KLC3: variants seen among roughly 807,000 people sequenced by gnomAD.
The protein encoded by KLC3 is kinesin light chain 3.
A neutral mutation model predicts 62.9 loss-of-function variants in KLC3; 72 were observed. The ratio of observed to expected loss-of-function variants is 1.15; its 90% CI spans 0.95 to 1.39. The LOEUF is 1.39. Among genes scored for constraint, KLC3 ranks in the 40% most tolerant of loss-of-function variants. The pLI is 0.00. For missense variants in KLC3, 848 were observed against 691.6 expected (o/e 1.23, Z -2.54); for synonymous variants, 377 against 300.5 (o/e 1.25, Z -2.63).
chr19:45,350,928 T>C, intron 11 of KLC3, 26 bp from the exon 12 acceptor site: 1 of 1,612,002 alleles, frequency 6.2e-7, no homozygotes, highest in Non-Finnish European at 8.5e-7. Flanking sequence ...GATTCACTCA[T>C]TTCCTCCCTG....
At chr19:45,350,184 G>C in intron 8 of KLC3, 157 bp from the exon 9 acceptor site, 1 of 623,028 alleles carries the variant, frequency 1.6e-6, no homozygotes, top group East Asian at 2.7e-5. Flanking sequence ...CACTTTGGGA[G>C]GCCAAGGCAG....
In KLC3 at chr19:45,351,299, A is replaced by C. The variant is rs746886024; in HGVS notation, c.1457A>C (p.His486Pro). The change falls in exon 13 of 13, where the codon CAC (histidine) becomes CCC (proline). Residue 486 changes from histidine (H) to proline (P), a missense_variant. By Grantham distance (77) the His-to-Pro change is moderately conservative. Coordinates refer to ENST00000391946, the MANE Select transcript of KLC3 (RefSeq NM_177417.3). ...GCCTGTCTCCAGTTTCCCAGCTGGC[A>C]CCTGGACAAGGCCCCTCGGACCCTC... ...RAPGTQFPSWHLDKAPRTLSA... is the reference protein window; with the variant it reads ...RAPGTQFPSWPLDKAPRTLSA... The C allele has an allele frequency of 1.9e-6, 3 of 1,612,594 alleles. No homozygotes were observed. Among genetic ancestry groups the C allele is most frequent in the Non-Finnish European group, 2.5e-6 (3 of 1,179,958 alleles).
At chr19:45,350,179 T>C (rs1971657556) in intron 8 of KLC3, 162 bp from the exon 9 acceptor site, 2 of 616,078 alleles carry the variant, frequency 3.2e-6, no homozygotes. Context: ...CCCAACACTT[T>C]GGGAGGCCAA....
In KLC3 at chr19:45,348,721, T is replaced by G. The variant is rs1004114905; in HGVS notation, c.855T>G (p.Pro285=). The part of the protein sequence containing the change: ...ALQIREQTLG[P]EHPAVAATLN... ...AGATCCGGGAGCAGACGCTGGGCCC[T>G]GAGCACCCCGCGGTGAGTGGGGCCC... is the stretch of plus-strand genomic sequence containing the variant. The change falls in exon 6 of 13, where the codon CCT becomes CCG. Residue 285 remains proline, a synonymous_variant. Coordinates refer to ENST00000391946, the MANE Select transcript of KLC3 (RefSeq NM_177417.3). 1 of 1,590,814 alleles carries G rather than the reference T, an allele frequency of 6.3e-7. No homozygotes were observed.
rs762542620 is a variant in KLC3, at chr19:45,350,494, T to TC, written c.1235-15dup. ...GCTTCTCTATGTCCCCATCTCAGTG[T>TC]CCCCCATCTTTCCCCCTAGGTGCCC... On this transcript the variant is annotated intron_variant, in intron 9 of 12. Transcript: ENST00000391946. 4 of 1,613,154 alleles carry TC rather than the reference T, an allele frequency of 2.5e-6. No homozygotes were observed. The highest frequency in any genetic ancestry group is 2.5e-6 in the Non-Finnish European group (3 of 1,179,638).
At chr19:45,346,477 G>A (rs527531732) in intron 2 of KLC3, 67 bp from the exon 3 acceptor site, 81 of 1,362,130 alleles carry the variant, frequency 5.9e-5, no homozygotes, top group Non-Finnish European at 7.8e-5. Flanking sequence ...CTCGAGGCCT[G>A]GGCTGGGTCA....
At position 45,350,372 on chromosome 19, in the gene KLC3, A is replaced by C; in HGVS notation, c.1175A>C (p.Gln392Pro). ...ASAYLKQNKYQQAEELYKEIL... is the reference protein window; with the variant it reads ...ASAYLKQNKYPQAEELYKEIL... ...GCCTACCTGAAACAGAACAAGTATCAACAAGCGGAAGAGCTGTACAAAGAA... is the reference window on the plus strand; with the variant it reads ...GCCTACCTGAAACAGAACAAGTATCCACAAGCGGAAGAGCTGTACAAAGAA... The change falls in exon 9 of 13, where the codon CAA (glutamine) becomes CCA (proline). Residue 392 changes from glutamine to proline, a missense_variant. Transcript: ENST00000391946. 1 of 1,613,772 alleles carries C rather than the reference A, an allele frequency of 6.2e-7. No homozygotes were observed. The highest frequency in any genetic ancestry group is 8.5e-7 in the Non-Finnish European group (1 of 1,179,942).
At chr19:45,349,702 G>C in intron 8 of KLC3, 100 bp downstream of exon 8, 1 of 813,446 alleles carries the variant, frequency 1.2e-6, no homozygotes, top group Non-Finnish European at 1.8e-6. Flanking sequence ...AGGGTGGGGG[G>C]GGGCCCCCCA....
chr19:45,344,548 CGTGT>C (rs1181055258), intron 1 of KLC3, among the ~76,000 whole-genome samples: 12 of 150,708 alleles, frequency 8.0e-5, no homozygotes, highest in Admixed American at 2.6e-4. Context: ...AGGGAGAGTG[CGTGT>C]GTGTGTCAAA....
At chr19:45,346,438 G>A (rs1156893407) in intron 2 of KLC3, 106 bp from the exon 3 acceptor site, 7 of 933,534 alleles carry the variant, frequency 7.5e-6, no homozygotes, top group East Asian at 2.7e-5. Flanking sequence ...TGGGGGTGTC[G>A]TGCATAGTAG....
chr19:45,351,070 A>G, intron 12 of KLC3, 53 bp downstream of exon 12: 1 of 1,613,692 alleles, frequency 6.2e-7, no homozygotes, highest in East Asian at 2.2e-5. Flanking sequence ...GTAGGTGCAG[A>G]GATGAGGCAA....
At chr19:45,350,310 G>A (rs202228508) in intron 8 of KLC3, 31 bp from the exon 9 acceptor site, 220 of 1,587,384 alleles carry the variant, frequency 1.4e-4, no homozygotes, top group Middle Eastern at 3.4e-4. Flanking sequence ...ACTGGGGTCC[G>A]AAAAGTTCCC....
In KLC3 at chr19:45,350,681, C is replaced by CT; in HGVS notation, c.1314dup (p.Ile439TyrfsTer6). ...AGCTCACTCTCCAAGATCCGTGAGTCTATCAGGCGAGGAAGTGAGAAGCTG... is the reference window on the plus strand; with the variant it reads ...AGCTCACTCTCCAAGATCCGTGAGTCTTATCAGGCGAGGAAGTGAGAAGCTG... On this transcript the variant is annotated frameshift_variant, in exon 11 of 13. Transcript: ENST00000391946. LOFTEE classifies it high-confidence loss of function. The CT allele has an allele frequency of 6.2e-7, 1 of 1,613,850 alleles. No homozygotes were observed. The highest frequency in any genetic ancestry group is 8.5e-7 in the Non-Finnish European group (1 of 1,179,926).
chr19:45,346,800 G>T (rs1260138165), intron 3 of KLC3, 26 bp downstream of exon 3: 2 of 1,514,550 alleles, frequency 1.3e-6, no homozygotes, highest in Admixed American at 4.0e-5. Context: ...CGAGGCGGGG[G>T]GTGCTGGGCC....
intron 1 of KLC3, among the ~76,000 whole-genome samples, chr19:45,343,600 G>A (rs530225385): frequency 1.3e-5 from 2 of 152,310 alleles, no homozygotes; most frequent in South Asian, 4.1e-4. Context: ...CTCCCAAAGT[G>A]CTGGGATTAC....
Position 45,341,778 on chromosome 19 carries a change from T to TGTGC in KLC3, c.-9+935_-9+936insCGTG, listed in dbSNP as rs1186369390. 3.2e-3 allele frequency among the ~76,000 whole-genome samples: 38 copies of TGTGC among 11,890 alleles called. 1 individual carries two copies. The East Asian group carries it at 0.31, about 97-fold the overall frequency. 7.8% of individuals were successfully genotyped at this position (11,890 alleles called of 152,430 possible). On this transcript the variant is annotated intron_variant, in intron 1 of 12. Transcript: ENST00000391946. ...GGAGGTGTGTGAAGCCGTGTGTGCG[T>TGTGC]GTGTGTGTGTGTGTGTGTGTGTGTA...
rs1971607839 is a variant in KLC3, at chr19:45,349,557, G to A, written c.1098G>A (p.Leu366=). ...GGGCCCTGAGCATCTATGAGGCACT[G>A]GGCGGGCCCCATGACCCCAACGTGG... is the stretch of plus-strand genomic sequence containing the variant. ...YARALSIYEA[L]GGPHDPNVAK... is the part of the protein sequence containing the mutation. Residue 366 remains leucine (L), a synonymous_variant, in exon 8 of 13, where the codon CTG becomes CTA. Transcript: ENST00000391946. The A allele has an allele frequency of 1.9e-6, 3 of 1,613,846 alleles. No homozygotes were observed. Among genetic ancestry groups the A allele is most frequent in the Non-Finnish European group, 1.7e-6 (2 of 1,179,852 alleles).
At position 45,348,079 on chromosome 19, in the gene KLC3, C is replaced by G; in HGVS notation, c.698C>G (p.Ala233Gly). The G allele has an allele frequency of 6.2e-7, 1 of 1,602,372 alleles. No homozygotes were observed. The highest frequency in any genetic ancestry group is 8.5e-7 in the Non-Finnish European group (1 of 1,174,870). Residue 233 changes from alanine to glycine, a missense_variant, in exon 5 of 13, where the codon GCC (alanine) becomes GGC (glycine). Physicochemically the swap from Ala to Gly is moderately conservative, Grantham distance 60. Transcript: ENST00000391946. Reference sequence around the variant, plus strand: ...GTGGCGGTGCCTCTGTGCCGCCAGGCCTTGGAGGACCTGGAGCGCAGCTCG... The same window carrying G: ...GTGGCGGTGCCTCTGTGCCGCCAGGGCTTGGAGGACCTGGAGCGCAGCTCG... ...YEVAVPLCRQALEDLERSSGH... is the reference protein window; with the variant it reads ...YEVAVPLCRQGLEDLERSSGH...
At chr19:45,344,091 C>T (rs778422296) in intron 1 of KLC3, among the ~76,000 whole-genome samples, 69 of 151,640 alleles carry the variant, frequency 4.6e-4, no homozygotes, top group Non-Finnish European at 9.0e-4. Flanking sequence ...GCCAAAATCC[C>T]AAAGTGCTCG....
Sources: gnomAD v4.1 joint callset for allele counts (sites outside exome capture counted in the v4.1 genomes callset) on GRCh38, gnomAD v4.1.1 for gene constraint, MANE v1.5 for transcripts, NCBI Gene and HGNC (gene_info 2026-07-23, HGNC 2026-07-21) for gene names.